SYT17: variants seen among roughly 807,000 people sequenced by gnomAD.
SYT17 encodes synaptotagmin 17, also known as synaptotagmin-17.
A neutral mutation model predicts 46.7 loss-of-function variants in SYT17; 22 were observed. The ratio of observed to expected loss-of-function variants is 0.47; its 90% confidence interval spans 0.34 to 0.67. SYT17 has a LOEUF of 0.67. Ranked by LOEUF, SYT17 falls within the 30% of genes least tolerant of loss-of-function variation. The probability of loss-of-function intolerance (pLI) is 0.01; values close to 1 mark genes in which losing one functional copy is unlikely to be tolerated. For synonymous variants in SYT17, 251 were observed against 248.4 expected (o/e 1.01, Z -0.10); for missense variants, 519 against 612.8 (o/e 0.85, Z 1.62).
chr16:19,224,741 G>T lies in SYT17; in HGVS notation c.1131G>T (p.Thr377=), dbSNP rs118182524. ...HGLKLVKTKK[T]SFLRGTIDPF... is the part of the protein sequence containing the mutation. ...TCAAACTTGTGAAAACCAAGAAGACGTCCTTCTTAAGGGGCACAATTGATC... is the reference window on the plus strand; with the variant it reads ...TCAAACTTGTGAAAACCAAGAAGACTTCCTTCTTAAGGGGCACAATTGATC... Residue 377 remains threonine (T), a synonymous_variant, in exon 7 of 8, where the codon ACG becomes ACT. Coordinates refer to ENST00000355377, the MANE Select transcript of SYT17 (RefSeq NM_016524.4). 4 of 1,613,878 alleles carry T rather than the reference G, an allele frequency of 2.5e-6. No individual in the cohort carries two copies. In the Admixed American group the frequency reaches 6.7e-5, roughly 27 times the overall value.
chr16:19,207,464 C>T (rs550461171), intron 5 of SYT17, among the ~76,000 whole-genome samples: 2 of 151,906 alleles, frequency 1.3e-5, no homozygotes, highest in Admixed American at 6.6e-5. Context: ...AGGAAACTTA[C>T]AATCACGGTG....
intron 5 of SYT17, among the ~76,000 whole-genome samples, chr16:19,204,950 T>C (rs2142758147): frequency 6.6e-6 from 1 of 152,218 alleles, no homozygotes; most frequent in South Asian, 2.1e-4. Context: ...CCAGGAGCCA[T>C]AGCCTACACT....
At chr16:19,206,789 C>A (rs1469198078) in intron 5 of SYT17, among the ~76,000 whole-genome samples, 1 of 152,152 alleles carries the variant, frequency 6.6e-6, no homozygotes, top group Non-Finnish European at 1.5e-5. Context: ...AAATCCAGTC[C>A]TATGGGATAT....
chr16:19,197,789 A>G (rs1213828632), intron 5 of SYT17, among the ~76,000 whole-genome samples: 2 of 152,124 alleles, frequency 1.3e-5, no homozygotes, highest in Non-Finnish European at 1.5e-5. Flanking sequence ...GGTGATTTGG[A>G]CCAACTTTCC....
intron 3 of SYT17, among the ~76,000 whole-genome samples, chr16:19,177,053 G>A (rs770588647): frequency 6.6e-6 from 1 of 152,164 alleles, no homozygotes; most frequent in Non-Finnish European, 1.5e-5. Flanking sequence ...ATATCCAAAT[G>A]TTGAGTGTTA....
intron 5 of SYT17, among the ~76,000 whole-genome samples, chr16:19,195,934 A>G (rs749056835): frequency 2.0e-5 from 3 of 151,888 alleles, no homozygotes; most frequent in Non-Finnish European, 2.9e-5. Context: ...GCTGTGAGCT[A>G]TGATGGCAAC....
intron 5 of SYT17, among the ~76,000 whole-genome samples, chr16:19,214,960 G>A (rs1966038591): frequency 6.6e-6 from 1 of 151,980 alleles, no homozygotes; most frequent in African/African-American, 2.4e-5. Flanking sequence ...GCTACTTTTT[G>A]TATTTCTAGT....
chr16:19,267,828 A>G lies in SYT17; in HGVS notation c.*752A>G, dbSNP rs773335361. The G allele has an allele frequency of 1.3e-5, 2 of 152,172 alleles. No individual in the cohort carries two copies. Among genetic ancestry groups the G allele is most frequent in the African/African-American group, 4.8e-5 (2 of 41,416 alleles). 9.4% of individuals were successfully genotyped at this position (152,172 alleles called of 1,614,324 possible). ...ATGTGTCCTCTTGGAGAGCATGGCG[A>G]TGGGCCAGGACCTCAGCCCTGAGCA... On this transcript the variant is annotated 3_prime_UTR_variant, in exon 8 of 8. Transcript: ENST00000355377.
At chr16:19,239,177 C>G (rs1294795734) in intron 7 of SYT17, among the ~76,000 whole-genome samples, 1 of 151,922 alleles carries the variant, frequency 6.6e-6, no homozygotes, top group Non-Finnish European at 1.5e-5. Context: ...CCCAGCTACT[C>G]AGGAGGCCAA....
In SYT17 at chr16:19,168,352, C is replaced by T. The variant is rs1215285069; in HGVS notation, c.-295C>T. On this transcript the variant is annotated 5_prime_UTR_variant, in exon 1 of 8. Coordinates refer to ENST00000355377, the MANE Select transcript of SYT17 (RefSeq NM_016524.4). The surrounding 1 kb of genome is among the most constrained non-coding windows in gnomAD (Gnocchi z 6.9). ...CGGCCTTATTCCAGCCTGGGGAGCG[C>T]CTCGGTGGGGAGCACGGGACAGCGA... The T allele has an allele frequency of 6.1e-6, 3 of 492,350 alleles. No homozygotes were observed. Among genetic ancestry groups the T allele is most frequent in the East Asian group, 3.9e-5 (1 of 25,338 alleles). 30.5% of individuals were successfully genotyped at this position (492,350 alleles called of 1,614,324 possible). A position where few individuals can be genotyped will look rare whatever the true frequency, so the allele number is the denominator to read the frequency against.
At chr16:19,255,402 G>C (rs1378888232) in intron 7 of SYT17, among the ~76,000 whole-genome samples, 1 of 152,172 alleles carries the variant, frequency 6.6e-6, no homozygotes, top group Non-Finnish European at 1.5e-5. Context: ...CTACCCGCTA[G>C]AGGCCAGCAG....
chr16:19,193,442 AT>A (rs1965107725), intron 5 of SYT17, among the ~76,000 whole-genome samples: 1 of 152,244 alleles, frequency 6.6e-6, no homozygotes, highest in South Asian at 2.1e-4. Flanking sequence ...GTTTCCGAAC[AT>A]TGCTTCAACC....
At chr16:19,185,636 G>C (rs538059460) in intron 5 of SYT17, among the ~76,000 whole-genome samples, 1 of 152,168 alleles carries the variant, frequency 6.6e-6, no homozygotes, top group South Asian at 2.1e-4. Flanking sequence ...TTTCCATGGG[G>C]AGCCATTTGG....
In SYT17 at chr16:19,198,198, A is replaced by C. The variant is rs148908787; in HGVS notation, c.951+14051A>C. Among the ~76,000 whole-genome samples the C allele has an allele frequency of 2.9e-3, 437 of 152,310 alleles. 1 individual carries two copies. Among genetic ancestry groups the C allele is most frequent in the African/African-American group, 0.01 (419 of 41,564 alleles). ...GTATATGAAATTGACCAGTGTCATA[A>C]GTTAGAACCTCTGCCCACCCCACCC... On this transcript the variant is annotated intron_variant, in intron 5 of 7. Transcript: ENST00000355377.
intron 7 of SYT17, among the ~76,000 whole-genome samples, chr16:19,245,256 T>G (rs1471827194): frequency 6.6e-6 from 1 of 152,184 alleles, no homozygotes; most frequent in East Asian, 1.9e-4. Context: ...GGAGGCATTT[T>G]TATTGTCACA....
intron 4 of SYT17, among the ~76,000 whole-genome samples, chr16:19,181,135 T>C (rs1964540807): frequency 6.6e-6 from 1 of 152,222 alleles, no homozygotes; most frequent in Admixed American, 6.5e-5. Flanking sequence ...TGTAAAGAGA[T>C]ATTGGCAATC....
At chr16:19,215,562 C>T (rs1312808809) in intron 5 of SYT17, among the ~76,000 whole-genome samples, 4 of 152,194 alleles carry the variant, frequency 2.6e-5, no homozygotes, top group African/African-American at 9.6e-5. Flanking sequence ...CAGGTACTCA[C>T]CACCACAGCT....
intron 7 of SYT17, among the ~76,000 whole-genome samples, chr16:19,237,151 G>T (rs1407123025): frequency 6.6e-6 from 1 of 152,130 alleles, no homozygotes; most frequent in East Asian, 1.9e-4. Flanking sequence ...CATCCAGCTG[G>T]TGAGTGGTTG....
At chr16:19,185,351 C>T (rs1172685633) in intron 5 of SYT17, among the ~76,000 whole-genome samples, 1 of 152,212 alleles carries the variant, frequency 6.6e-6, no homozygotes, top group African/African-American at 2.4e-5. Context: ...CTTTGGGAGG[C>T]TGAGGCAGGA....
Sources: allele counts gnomAD v4.1 joint callset (sites outside exome capture counted in the v4.1 genomes callset), GRCh38; gene constraint gnomAD v4.1.1; non-coding constraint Gnocchi (gnomAD v3.1); transcripts MANE v1.5; gene names NCBI Gene and HGNC (gene_info 2026-07-23, HGNC 2026-07-21).